UBE2U: variants seen among roughly 807,000 people sequenced by gnomAD.
UBE2U encodes ubiquitin-conjugating enzyme E2 U.
In UBE2U, 39 loss-of-function variants were observed where a neutral mutation model predicts 41.2. The ratio of observed to expected loss-of-function variants is 0.95; its 90% confidence interval spans 0.73 to 1.24. UBE2U has a LOEUF of 1.24. Ranked by LOEUF, UBE2U falls within the 50% of genes most tolerant of loss-of-function variation. The pLI is 0.00. For synonymous variants in UBE2U, 107 were observed against 117.8 expected (o/e 0.91, Z 0.60); for missense variants, 336 against 363.1 (o/e 0.93, Z 0.61).
intron 6 of UBE2U, among the ~76,000 whole-genome samples, chr1:64,223,630 T>G (rs1406387368): frequency 6.6e-6 from 1 of 152,238 alleles, no homozygotes; most frequent in Non-Finnish European, 1.5e-5. Context: ...CATGACTGTT[T>G]ATTGTTGTAG....
intron 7 of UBE2U, among the ~76,000 whole-genome samples, chr1:64,239,614 C>T (rs1186541149): frequency 2.0e-5 from 3 of 148,676 alleles, no homozygotes; most frequent in Admixed American, 6.9e-5. Context: ...TGAGAACATG[C>T]GGTGTTTGGT....
At chr1:64,243,367 A>C (rs1005749222) in intron 8 of UBE2U, among the ~76,000 whole-genome samples, 61 of 152,182 alleles carry the variant, frequency 4.0e-4, no homozygotes, top group African/African-American at 1.4e-3. Context: ...AATCTAAAGA[A>C]TGGCAAAATT....
At chr1:64,265,203 C>T (rs1237480365) in intron 9 of UBE2U, among the ~76,000 whole-genome samples, 1 of 152,128 alleles carries the variant, frequency 6.6e-6, no homozygotes, top group African/African-American at 2.4e-5. Context: ...GTAAGAAGAG[C>T]TGTGTCCTTC....
intron 8 of UBE2U, among the ~76,000 whole-genome samples, chr1:64,256,192 G>T (rs749412665): frequency 1.3e-5 from 2 of 152,112 alleles, no homozygotes; most frequent in Non-Finnish European, 2.9e-5. Context: ...TGGCCATACT[G>T]CCCAAAGTGA....
chr1:64,241,713 TC>T lies in UBE2U; in HGVS notation c.658del (p.Gln220ArgfsTer6), dbSNP rs756566726. 24 of 1,609,340 alleles carry T rather than the reference TC, an allele frequency of 1.5e-5. No homozygotes were observed. The highest frequency in any genetic ancestry group is 2.0e-5 in the Non-Finnish European group (23 of 1,177,950). ...YKWKKMDLQH[Q>X]KEWNLKYSVI... ...AATGGAAGAAAATGGATCTACAGCA[TC>T]AGAAAGAATGGAATTTAAAGTAAGA... On this transcript the variant is annotated frameshift_variant, in exon 8 of 10. Transcript: ENST00000371077. LOFTEE classifies it high-confidence loss of function.
chr1:64,207,689 T>A (rs1440408479), intron 3 of UBE2U, among the ~76,000 whole-genome samples: 1 of 152,194 alleles, frequency 6.6e-6, no homozygotes, highest in Non-Finnish European at 1.5e-5. Context: ...ATCAAAAATC[T>A]AAAAATTTTA....
chr1:64,248,335 CAG>C (rs1390177058), intron 8 of UBE2U, among the ~76,000 whole-genome samples: 1 of 152,038 alleles, frequency 6.6e-6, no homozygotes, highest in Non-Finnish European at 1.5e-5. Context: ...CTATATTCCC[CAG>C]AGTCATATGA....
chr1:64,240,883 C>T (rs1644823939), intron 7 of UBE2U, among the ~76,000 whole-genome samples: 1 of 152,094 alleles, frequency 6.6e-6, no homozygotes, highest in Non-Finnish European at 1.5e-5. Flanking sequence ...GTGTGTCCCA[C>T]CACGCCTGGC....
chr1:64,221,815 A>G (rs1012120716), intron 6 of UBE2U, among the ~76,000 whole-genome samples: 14 of 152,300 alleles, frequency 9.2e-5, no homozygotes, highest in East Asian at 7.7e-4. Context: ...GGCCGAGAGC[A>G]GTGGCTCACG....
intron 8 of UBE2U, among the ~76,000 whole-genome samples, chr1:64,252,020 G>C (rs1325251558): frequency 6.6e-6 from 1 of 152,170 alleles, no homozygotes; most frequent in African/African-American, 2.4e-5. Context: ...GGGAAAATGT[G>C]GTCACCATTT....
At chr1:64,240,212 C>A (rs1391314197) in intron 7 of UBE2U, among the ~76,000 whole-genome samples, 2 of 152,134 alleles carry the variant, frequency 1.3e-5, no homozygotes, top group African/African-American at 4.8e-5. Flanking sequence ...CCATTTGCAT[C>A]TTTGCTTCAA....
chr1:64,266,940 C>T, intron 9 of UBE2U, 84 bp from the exon 10 acceptor site: 3 of 1,281,548 alleles, frequency 2.3e-6, no homozygotes, highest in Non-Finnish European at 3.2e-6. Context: ...TTGGCATTAT[C>T]CTACAAATGC....
intron 8 of UBE2U, among the ~76,000 whole-genome samples, chr1:64,247,166 T>A (rs1644934710): frequency 1.3e-5 from 2 of 152,216 alleles, no homozygotes. Context: ...AGCTGATTTT[T>A]ATGAATTCAG....
chr1:64,219,179 GCT>G (rs1451453303), intron 5 of UBE2U, among the ~76,000 whole-genome samples: 4 of 152,254 alleles, frequency 2.6e-5, no homozygotes, highest in Admixed American at 2.6e-4. Flanking sequence ...ACTGTCATAT[GCT>G]CATAGTTTGG....
intron 8 of UBE2U, among the ~76,000 whole-genome samples, chr1:64,253,473 C>T (rs1645043072): frequency 6.6e-6 from 1 of 152,092 alleles, no homozygotes. Flanking sequence ...TCAGATTCTC[C>T]AAGGTCGAAA....
chr1:64,225,697 C>T (rs917081822), intron 6 of UBE2U, among the ~76,000 whole-genome samples: 4 of 152,148 alleles, frequency 2.6e-5, no homozygotes, highest in Admixed American at 2.0e-4. Context: ...TCAAGGCTTG[C>T]GCCGAAGGAG....
chr1:64,260,526 T>C, intron 8 of UBE2U, 77 bp from the exon 9 acceptor site: 6 of 1,068,450 alleles, frequency 5.6e-6, no homozygotes, highest in Non-Finnish European at 6.7e-6. Flanking sequence ...TTCATTTGTT[T>C]CACTTATTTT....
intron 9 of UBE2U, among the ~76,000 whole-genome samples, chr1:64,263,079 G>A (rs1259899976): frequency 6.6e-6 from 1 of 152,160 alleles, no homozygotes; most frequent in African/African-American, 2.4e-5. Flanking sequence ...CAAGTTGGAA[G>A]AGACAACATT....
At chr1:64,206,672 C>G (rs982832553) in intron 2 of UBE2U, 92 bp from the exon 3 acceptor site, 1 of 760,204 alleles carries the variant, frequency 1.3e-6, no homozygotes, top group Non-Finnish European at 2.1e-6. Flanking sequence ...TGTGGAAAGA[C>G]TAAACCATAG....
Sources: allele counts gnomAD v4.1 joint callset (sites outside exome capture counted in the v4.1 genomes callset), GRCh38; gene constraint gnomAD v4.1.1; transcripts MANE v1.5; gene names NCBI Gene and HGNC (gene_info 2026-07-23, HGNC 2026-07-21).